Variants in NEK1 observed in about 807,000 individuals in gnomAD.
NEK1 encodes the protein NIMA related kinase 1.
NEK1 carries 137 observed loss-of-function variants against 182.1 expected under a neutral mutation model. The observed-to-expected ratio is 0.75, with a 90% CI of 0.65 to 0.87. NEK1 has a LOEUF of 0.87. NEK1 is among the 40% of genes least tolerant of loss of function. The pLI is 0.00. For missense variants in NEK1, 1,391 were observed against 1,494.4 expected (o/e 0.93, Z 1.14); for synonymous variants, 513 against 492.2 (o/e 1.04, Z -0.56).
intron 12 of NEK1, among the ~76,000 whole-genome samples, chr4:169,570,413 G>A (rs1053450615): frequency 1.3e-5 from 2 of 151,468 alleles, no homozygotes; most frequent in Non-Finnish European, 3.0e-5. Context: ...AGGTTGGGGG[G>A]TCAGCCCCCC....
chr4:169,588,625 C>T (rs2150083355), intron 8 of NEK1, 24 bp downstream of exon 8: 4 of 1,385,792 alleles, frequency 2.9e-6, no homozygotes, highest in Non-Finnish European at 4.0e-6. Context: ...AAATACATCA[C>T]ATAATGAATA....
In NEK1 at chr4:169,561,821, C is replaced by CA. The variant is rs766490589; in HGVS notation, c.1140+10dup. ...CTTGCCAAAGGTAGAAAAACAAGAG[C>CA]AAAAAACTACCTGATCCTTTTGTTT... On this transcript the variant is annotated intron_variant, in intron 14 of 35. Transcript: ENST00000507142. 1.4e-5 allele frequency: 23 copies of CA among 1,608,282 alleles called. No individual in the cohort carries two copies. The highest frequency in any genetic ancestry group is 2.5e-6 in the Non-Finnish European group (3 of 1,177,682).
At chr4:169,596,301 A>G (rs896910329) in intron 5 of NEK1, among the ~76,000 whole-genome samples, 3 of 152,190 alleles carry the variant, frequency 2.0e-5, no homozygotes, top group Non-Finnish European at 2.9e-5. Flanking sequence ...AGCAAACTCA[A>G]GTTCTTTGTT....
intron 26 of NEK1, among the ~76,000 whole-genome samples, chr4:169,463,636 T>C (rs554754022): frequency 6.6e-6 from 1 of 152,240 alleles, no homozygotes; most frequent in Admixed American, 6.5e-5. Context: ...TTGGGGAATA[T>C]AAAAATAGGA....
intron 18 of NEK1, among the ~76,000 whole-genome samples, 174 bp from the exon 19 acceptor site, chr4:169,538,085 ATTCT>A (rs1214860040): frequency 6.6e-6 from 1 of 152,116 alleles, no homozygotes; most frequent in Non-Finnish European, 1.5e-5. Context: ...CCTAAATCAC[ATTCT>A]TTATTATTTT....
intron 32 of NEK1, among the ~76,000 whole-genome samples, chr4:169,405,474 A>C (rs1350447816): frequency 6.6e-6 from 1 of 152,196 alleles, no homozygotes; most frequent in Non-Finnish European, 1.5e-5. Flanking sequence ...GGCTACACTA[A>C]ATTTATCAAT....
At chr4:169,594,653 C>T (rs1418848418) in intron 5 of NEK1, among the ~76,000 whole-genome samples, 1 of 151,952 alleles carries the variant, frequency 6.6e-6, no homozygotes, top group African/African-American at 2.4e-5. Flanking sequence ...AATAAGTAAC[C>T]AAAGAATGTT....
At chr4:169,503,178 A>C (rs1434188288) in intron 23 of NEK1, among the ~76,000 whole-genome samples, 1 of 152,144 alleles carries the variant, frequency 6.6e-6, no homozygotes, top group East Asian at 1.9e-4. Context: ...CAAGGAGGTG[A>C]AAGATCTCTA....
At chr4:169,599,479 T>C (rs1770113156) in intron 4 of NEK1, among the ~76,000 whole-genome samples, 1 of 152,164 alleles carries the variant, frequency 6.6e-6, no homozygotes, top group Non-Finnish European at 1.5e-5. Context: ...ATAAACAAAA[T>C]GCAGACATAC....
At chr4:169,424,912 A>G (rs1736110476) in intron 30 of NEK1, 112 bp from the exon 31 acceptor site, 1 of 1,121,150 alleles carries the variant, frequency 8.9e-7, no homozygotes, top group Non-Finnish European at 1.2e-6. Flanking sequence ...CCCACATATC[A>G]GGAAAATAAA....
At chr4:169,438,926 T>C (rs1261463340) in intron 27 of NEK1, among the ~76,000 whole-genome samples, 4 of 152,216 alleles carry the variant, frequency 2.6e-5, no homozygotes, top group Admixed American at 2.0e-4. Flanking sequence ...TCATTAATTA[T>C]AGCCTCTTTA....
intron 18 of NEK1, chr4:169,555,454 C>A: frequency 2.6e-6 from 1 of 384,262 alleles, no homozygotes; most frequent in Non-Finnish European, 4.8e-6. Flanking sequence ...ATTATGTTGG[C>A]AGAATGTTAT....
chr4:169,487,883 G>C (rs1386866190), intron 23 of NEK1, among the ~76,000 whole-genome samples: 3 of 152,008 alleles, frequency 2.0e-5, no homozygotes, highest in Admixed American at 1.3e-4. Flanking sequence ...GTATTTCTCT[G>C]TGGTTCTGAT....
chr4:169,562,137 C>G lies in NEK1; in HGVS notation c.1080G>C (p.Glu360Asp), dbSNP rs765591688. ...AATAACCAGACAGATGTCTTTATAC[C>G]TCAGATATTTTCCTCCTTTCTTCTC... is the stretch of plus-strand genomic sequence containing the variant. Reference protein sequence around the residue: ...NTGEERRKISEEAARKRRLEF... With the variant: ...NTGEERRKISDEAARKRRLEF... Residue 360 changes from glutamate to aspartate, a missense_variant and splice_region_variant, in exon 13 of 36, where the codon GAG (glutamate) becomes GAC (aspartate). Around this residue, in one of 5 missense-constraint regions of NEK1, gnomAD observed 1,216 missense variants for 1,277.6 expected, o/e 0.95. Transcript: ENST00000507142. The G allele has an allele frequency of 4.2e-5, 64 of 1,531,516 alleles. No homozygotes were observed. Among genetic ancestry groups the G allele is most frequent in the Non-Finnish European group, 5.5e-5 (62 of 1,132,516 alleles). 94.9% of individuals were successfully genotyped at this position (1,531,516 alleles called of 1,614,324 possible). A position where few individuals can be genotyped will look rare whatever the true frequency, so the allele number is the denominator to read the frequency against.
chr4:169,570,389 C>G (rs1314198920), intron 12 of NEK1, among the ~76,000 whole-genome samples: 1 of 151,600 alleles, frequency 6.6e-6, no homozygotes, highest in African/African-American at 2.4e-5. Context: ...GGCCAGCTGC[C>G]CAGTCCGAGA....
intron 18 of NEK1, among the ~76,000 whole-genome samples, chr4:169,551,908 T>C (rs150130379): frequency 4.5e-4 from 69 of 152,060 alleles, no homozygotes; most frequent in African/African-American, 1.6e-3. Flanking sequence ...GAAAGGACAA[T>C]AATAAGGTAG....
chr4:169,482,693 G>T (rs976453387), intron 23 of NEK1, among the ~76,000 whole-genome samples: 1 of 151,840 alleles, frequency 6.6e-6, no homozygotes, highest in East Asian at 1.9e-4. Flanking sequence ...GAGTGCAATG[G>T]GGTGCAATGG....
At chr4:169,433,477 T>G in intron 29 of NEK1, 68 bp downstream of exon 29, 1 of 1,424,240 alleles carries the variant, frequency 7.0e-7, no homozygotes, top group Admixed American at 2.1e-5. Flanking sequence ...TAGCTTATTA[T>G]AGTATTTTCT....
chr4:169,526,234 A>G (rs1380703041), intron 19 of NEK1, among the ~76,000 whole-genome samples: 2 of 152,238 alleles, frequency 1.3e-5, no homozygotes, highest in Non-Finnish European at 2.9e-5. Flanking sequence ...TCATGCATGT[A>G]GTCCAGTATT....
Sources: allele counts gnomAD v4.1 joint callset (sites outside exome capture counted in the v4.1 genomes callset), GRCh38; gene constraint gnomAD v4.1.1; regional missense constraint gnomAD v4.1.1; transcripts MANE v1.5; gene names NCBI Gene and HGNC (gene_info 2026-07-23, HGNC 2026-07-21).